The following IRAK1BP1 variants were observed in gnomAD, a reference collection of about 807,000 sequenced individuals.
The protein encoded by IRAK1BP1 is interleukin 1 receptor associated kinase 1 binding protein 1, also known as interleukin-1 receptor-associated kinase 1-binding protein 1.
In IRAK1BP1, 24 loss-of-function variants were observed where a neutral mutation model predicts 28.0. That is an observed-to-expected ratio of 0.86 (90% CI 0.62 to 1.20). IRAK1BP1 has a LOEUF of 1.20. Among genes scored for constraint, IRAK1BP1 ranks in the 50% most tolerant of loss-of-function variants. The pLI, the probability that IRAK1BP1 is intolerant of heterozygous loss-of-function variation, is 0.00. For missense variants in IRAK1BP1, 336 were observed against 316.7 expected, an observed-to-expected ratio of 1.06 and a Z score of -0.46; for synonymous variants, 131 against 116.3, an observed-to-expected ratio of 1.13 and a Z score of -0.81.
At chr6:78,942,496 A>G (rs968710740) in intron 4 of IRAK1BP1, among the ~76,000 whole-genome samples, 3 of 152,146 alleles carry the variant, frequency 2.0e-5, no homozygotes, top group Non-Finnish European at 4.4e-5. Flanking sequence ...AAACAAAACA[A>G]AACAAAACAA....
the IRAK1BP1 span, among the ~76,000 whole-genome samples, chr6:78,960,090 T>C: frequency 6.6e-6 from 1 of 152,240 alleles, no homozygotes; most frequent in South Asian, 2.1e-4. Context: ...AAAGAGTACA[T>C]CACAAGCCCA....
chr6:78,952,905 G>A, the IRAK1BP1 span, among the ~76,000 whole-genome samples: 1 of 150,914 alleles, frequency 6.6e-6, no homozygotes, highest in South Asian at 2.1e-4. Flanking sequence ...TACAAGGAAT[G>A]TCATCTCTCT....
At chr6:78,954,434 C>T in the IRAK1BP1 span, among the ~76,000 whole-genome samples, 2 of 152,038 alleles carry the variant, frequency 1.3e-5, no homozygotes, top group African/African-American at 4.8e-5. Flanking sequence ...ATTCTCTTTA[C>T]ATCTCCATAA....
chr6:78,942,927 A>G (rs544596289), intron 4 of IRAK1BP1, among the ~76,000 whole-genome samples: 1 of 152,360 alleles, frequency 6.6e-6, no homozygotes, highest in South Asian at 2.1e-4. Context: ...TTTCTTAAAA[A>G]GGAATTCAGA....
downstream of IRAK1BP1, chr6:78,947,480 T>C: frequency 1.9e-6 from 1 of 537,926 alleles, no homozygotes. Flanking sequence ...TAGAAAGGTA[T>C]AATTTCTTTT....
rs551181598 is a variant in IRAK1BP1, at chr6:78,913,329, T to A, written c.*67+10219T>A. 7.5e-5 allele frequency among the ~76,000 whole-genome samples: 11 copies of A among 146,782 alleles called. No individual in the cohort carries two copies. In the South Asian group the frequency reaches 2.4e-3, roughly 32 times the overall value. On this transcript the variant is annotated intron_variant and NMD_transcript_variant, in intron 4 of 4. Coordinates refer to the IRAK1BP1 transcript ENST00000606868. ...CAGCCTGGGCAACAGAGCAAGACTC[T>A]GTTTCAAAAAAAAAAAAGTACAAGT... is the stretch of plus-strand genomic sequence containing the variant.
intron 4 of IRAK1BP1, among the ~76,000 whole-genome samples, chr6:78,943,624 A>C (rs190647667): frequency 2.0e-4 from 30 of 152,364 alleles, no homozygotes; most frequent in Middle Eastern, 3.4e-3. Context: ...AGACATGTGA[A>C]AATGAATAAT....
At chr6:78,938,054 T>C (rs1431843583) in intron 4 of IRAK1BP1, 1 of 151,752 alleles carries the variant, frequency 6.6e-6, no homozygotes, top group African/African-American at 2.4e-5. Flanking sequence ...AGAGGATTAT[T>C]TTCCCAAGTG....
chr6:78,870,162 TCTC>T (rs1310869137), intron 1 of IRAK1BP1, among the ~76,000 whole-genome samples: 2 of 131,586 alleles, frequency 1.5e-5, no homozygotes. Context: ...ACTATCCTCA[TCTC>T]CTATCATATC....
At chr6:78,920,212 C>T (rs1218756574) in intron 4 of IRAK1BP1, among the ~76,000 whole-genome samples, 2 of 152,112 alleles carry the variant, frequency 1.3e-5, no homozygotes, top group South Asian at 2.1e-4. Flanking sequence ...CAAGATTGTG[C>T]CACTGCACTC....
At chr6:78,914,644 AAT>A (rs2127663045) in intron 4 of IRAK1BP1, among the ~76,000 whole-genome samples, 1 of 152,330 alleles carries the variant, frequency 6.6e-6, no homozygotes, top group South Asian at 2.1e-4. Context: ...GCTTCTGTGA[AAT>A]ATGACATATT....
chr6:78,970,818 T>C, the IRAK1BP1 span: 1 of 1,611,596 alleles, frequency 6.2e-7, no homozygotes, highest in Non-Finnish European at 8.5e-7. Flanking sequence ...TTTTTTGGGA[T>C]TGATACTATA....
intron 2 of IRAK1BP1, among the ~76,000 whole-genome samples, chr6:78,887,305 T>C (rs1771462312): frequency 6.6e-6 from 1 of 152,154 alleles, no homozygotes; most frequent in African/African-American, 2.4e-5. Flanking sequence ...ACTAATTATT[T>C]GAGACATACA....
intron 2 of IRAK1BP1, among the ~76,000 whole-genome samples, chr6:78,894,436 G>A (rs992131099): frequency 7.2e-5 from 11 of 152,094 alleles, no homozygotes; most frequent in African/African-American, 2.2e-4. Flanking sequence ...AGTGGCTATA[G>A]TAATCAAAGT....
intron 4 of IRAK1BP1, among the ~76,000 whole-genome samples, chr6:78,924,809 C>A (rs899422071): frequency 2.0e-5 from 3 of 152,032 alleles, no homozygotes; most frequent in Non-Finnish European, 2.9e-5. Flanking sequence ...CAGAACCAAC[C>A]ATTACTGGGT....
intron 4 of IRAK1BP1, among the ~76,000 whole-genome samples, chr6:78,924,810 A>G (rs1428546628): frequency 6.6e-6 from 1 of 152,244 alleles, no homozygotes; most frequent in Non-Finnish European, 1.5e-5. Flanking sequence ...AGAACCAACC[A>G]TTACTGGGTA....
intron 1 of IRAK1BP1, among the ~76,000 whole-genome samples, chr6:78,884,117 T>C (rs1269288973): frequency 6.6e-6 from 1 of 152,166 alleles, no homozygotes; most frequent in Non-Finnish European, 1.5e-5. Flanking sequence ...ATTGTGTTAA[T>C]ATTTTCATGG....
intron 4 of IRAK1BP1, chr6:78,935,668 C>T (rs1350258555): frequency 7.1e-6 from 7 of 984,016 alleles, no homozygotes; most frequent in Non-Finnish European, 8.4e-6. Context: ...ATTTCGGCAC[C>T]CAAATATCTT....
At chr6:78,975,446 C>G in the IRAK1BP1 span, among the ~76,000 whole-genome samples, 1 of 152,136 alleles carries the variant, frequency 6.6e-6, no homozygotes, top group Non-Finnish European at 1.5e-5. Context: ...TGGAAGCATT[C>G]CCTTTGAAAA....
Sources: allele counts gnomAD v4.1 joint callset (sites outside exome capture counted in the v4.1 genomes callset), GRCh38; gene constraint gnomAD v4.1.1; transcripts MANE v1.5; gene names NCBI Gene and HGNC (gene_info 2026-07-23, HGNC 2026-07-21).